ENGASE: variants seen among roughly 807,000 people sequenced by gnomAD.
ENGASE encodes the protein endo-beta-N-acetylglucosaminidase.
Under a neutral mutation model 78.5 loss-of-function variants are expected in ENGASE, and 69 were observed. The observed-to-expected ratio is 0.88, with a 90% CI of 0.72 to 1.07. The LOEUF (loss-of-function observed/expected upper bound fraction) is 1.07, where lower values mean the gene tolerates loss of function less well. ENGASE is among the 50% of genes least tolerant of loss of function. The probability of loss-of-function intolerance (pLI) is 0.00; values close to 1 mark genes in which losing one functional copy is unlikely to be tolerated. For missense variants in ENGASE, 943 were observed against 988.4 expected (o/e 0.95, Z 0.62); for synonymous variants, 408 against 408.9 (o/e 1.00, Z 0.03).
At chr17:79,079,917 A>G (rs62063823) in intron 4 of ENGASE, among the ~76,000 whole-genome samples, 8,458 of 152,358 alleles carry the variant, frequency 0.056, 308 homozygotes, top group Middle Eastern at 0.092. Flanking sequence ...TGCATTTTAC[A>G]AACACAGGTA....
At chr17:79,076,054 C>A (rs2072960387) in intron 1 of ENGASE, among the ~76,000 whole-genome samples, 1 of 152,164 alleles carries the variant, frequency 6.6e-6, no homozygotes, top group African/African-American at 2.4e-5. Flanking sequence ...TCAGGGTCTC[C>A]CAATGTCATT....
In ENGASE at chr17:79,083,154, A is replaced by G. The variant is rs1437740011; in HGVS notation, c.1142+31A>G. 1.3e-6 allele frequency: 2 copies of G among 1,508,658 alleles called. No homozygotes were observed. Among genetic ancestry groups the G allele is most frequent in the Non-Finnish European group, 1.8e-6 (2 of 1,087,912 alleles). 93.5% of individuals were successfully genotyped at this position (1,508,658 alleles called of 1,614,324 possible). Reference sequence around the variant, plus strand: ...TCCTGCTGTCCTGGGTGCTTAGTGCAGGCTGATGGGAGGGAGGGGTTTCTG... The same window carrying G: ...TCCTGCTGTCCTGGGTGCTTAGTGCGGGCTGATGGGAGGGAGGGGTTTCTG... On this transcript the variant is annotated intron_variant, in intron 8 of 13. Coordinates refer to ENST00000579016, the MANE Select transcript of ENGASE (RefSeq NM_001042573.3). The surrounding 1 kb of genome is among the most constrained non-coding windows in gnomAD (Gnocchi z 4.9).
Position 79,083,533 on chromosome 17 carries a change from G to A in ENGASE, c.1194G>A (p.Leu398=). The part of the protein sequence containing the change: ...RYLPTHSICS[L]PFVTSFCLGM... ...TGCCCACACATAGCATCTGCTCCTTGCCTTTCGTCACGTCCTTCTGCCTGG... is the reference window on the plus strand; with the variant it reads ...TGCCCACACATAGCATCTGCTCCTTACCTTTCGTCACGTCCTTCTGCCTGG... The change falls in exon 9 of 14, where the codon TTG becomes TTA. Residue 398 remains leucine, a synonymous_variant. Coordinates refer to ENST00000579016, the MANE Select transcript of ENGASE (RefSeq NM_001042573.3). This position sits in a 1 kb window ranked among gnomAD's most constrained non-coding sequence, Gnocchi z 4.9. The A allele has an allele frequency of 6.2e-7, 1 of 1,614,188 alleles. No homozygotes were observed.
At chr17:79,078,487 G>A (rs55704641) in intron 3 of ENGASE, among the ~76,000 whole-genome samples, 9,113 of 152,198 alleles carry the variant, frequency 0.06, 333 homozygotes, top group Middle Eastern at 0.092. Flanking sequence ...GGTCCTCTTC[G>A]GCTGCCTGTC....
At chr17:79,079,143 T>C (rs1242502777) in intron 3 of ENGASE, among the ~76,000 whole-genome samples, 3 of 152,152 alleles carry the variant, frequency 2.0e-5, no homozygotes, top group Non-Finnish European at 4.4e-5. Context: ...CTTATTCTGC[T>C]TCCTGGGACC....
At chr17:79,084,442 G>C in intron 10 of ENGASE, 96 bp from the exon 11 acceptor site, 1 of 1,303,612 alleles carries the variant, frequency 7.7e-7, no homozygotes, top group Non-Finnish European at 1.0e-6. Flanking sequence ...CAGGCCCCCT[G>C]TTCCTGGAGG....
intron 7 of ENGASE, chr17:79,082,386 C>A: frequency 4.7e-6 from 6 of 1,263,818 alleles, no homozygotes; most frequent in Non-Finnish European, 6.1e-6. Flanking sequence ...TGATCTTCCC[C>A]GTGAGGGAAG....
In ENGASE at chr17:79,077,866, T is replaced by A; in HGVS notation, c.416+2T>A. ...GATGGGCGGGTACCTGGATGACAGG[T>A]GAGGACCTGGCCTTACATTGATGTT... is the stretch of plus-strand genomic sequence containing the variant. On this transcript the variant is annotated splice_donor_variant, in intron 3 of 13. Transcript: ENST00000579016. LOFTEE classifies it high-confidence loss of function. 1 of 1,611,320 alleles carries A rather than the reference T, an allele frequency of 6.2e-7. No homozygotes were observed. Among genetic ancestry groups the A allele is most frequent in the Non-Finnish European group, 8.5e-7 (1 of 1,179,230 alleles).
chr17:79,085,201 C>A, intron 11 of ENGASE, 33 bp from the exon 12 acceptor site: 6 of 1,556,340 alleles, frequency 3.9e-6, no homozygotes, highest in Non-Finnish European at 5.3e-6. Flanking sequence ...CTTTGAGATT[C>A]TCCTTTTTCA....
At chr17:79,085,872 G>A (rs989006779) in intron 13 of ENGASE, 61 bp from the exon 14 acceptor site, 26 of 1,576,218 alleles carry the variant, frequency 1.6e-5, no homozygotes, top group Admixed American at 1.4e-4. Context: ...AAATGTGTGC[G>A]TGGGGGCACC....
rs533658121 is a variant in ENGASE, at chr17:79,087,059, G to A, written c.*710G>A. On this transcript the variant is annotated 3_prime_UTR_variant, in exon 14 of 14. Transcript: ENST00000579016. ...CGTTTTCAGCAGCCCCTGGCTCTGC[G>A]GCGTCTCTTCCGGGCTGTGGGCATG... 7 of 473,540 alleles carry A rather than the reference G, an allele frequency of 1.5e-5. No individual in the cohort carries two copies. Among genetic ancestry groups the A allele is most frequent in the African/African-American group, 9.8e-5 (5 of 50,796 alleles). The allele number at this position is 473,540 out of a possible 1,614,324, so 29.3% of individuals were successfully genotyped here.
chr17:79,085,129 G>A (rs559211267), intron 11 of ENGASE, 105 bp from the exon 12 acceptor site: 42 of 883,128 alleles, frequency 4.8e-5, no homozygotes, highest in South Asian at 8.2e-5. Context: ...GCGTCTGGCC[G>A]AATCAGGCAG....
chr17:79,077,823 T>A lies in ENGASE; in HGVS notation c.375T>A (p.Thr125=). The change falls in exon 3 of 14, where the codon ACT becomes ACA. Residue 125 remains threonine (T), a synonymous_variant. Coordinates refer to ENST00000579016, the MANE Select transcript of ENGASE (RefSeq NM_001042573.3). ...QPPLSSQRPR[T]LLCHDMMGGY... is the part of the protein sequence containing the mutation. ...CTCTGAGCAGCCAGAGGCCCCGGAC[T>A]TTGTTGTGTCATGACATGATGGGCG... 6.2e-7 allele frequency: 1 copy of A among 1,613,972 alleles called. No individual in the cohort carries two copies. The highest frequency in any genetic ancestry group is 8.5e-7 in the Non-Finnish European group (1 of 1,180,006).
At chr17:79,081,095 G>A (rs1398827924) in intron 6 of ENGASE, 22 bp downstream of exon 6, 2 of 1,550,634 alleles carry the variant, frequency 1.3e-6, no homozygotes, top group Non-Finnish European at 1.7e-6. Context: ...GACAGGTGCT[G>A]TGAGGGGGCA....
chr17:79,082,549 G>A, intron 7 of ENGASE: 2 of 1,222,298 alleles, frequency 1.6e-6, no homozygotes, highest in Non-Finnish European at 2.1e-6. Flanking sequence ...AAGGAGCGGG[G>A]CCAGGCCGGT....
chr17:79,085,734 G>A lies in ENGASE; in HGVS notation c.1815G>A (p.Gln605=), dbSNP rs779722923. The part of the protein sequence containing the change: ...ESFTCRLGEI[Q]VVDAASLLAP... ...TCACCTGTCGGCTTGGAGAGATCCA[G>A]GTGATGCTTCCCAGAGGGGCTCGGG... Residue 605 remains glutamine (Q), a splice_region_variant and synonymous_variant, in exon 13 of 14, where the codon CAG becomes CAA. Transcript: ENST00000579016. 6.2e-7 allele frequency: 1 copy of A among 1,613,384 alleles called. No individual in the cohort carries two copies. The highest frequency in any genetic ancestry group is 8.5e-7 in the Non-Finnish European group (1 of 1,179,858).
rs549349297 is a variant in ENGASE, at chr17:79,087,806, A to C, written c.*1457A>C. On this transcript the variant is annotated 3_prime_UTR_variant, in exon 14 of 14. Coordinates refer to ENST00000579016, the MANE Select transcript of ENGASE (RefSeq NM_001042573.3). The stretch of plus-strand genomic sequence containing the variant: ...GCCACACCCGTTCCCACGTCAGAGG[A>C]GGGCAAGGCTGGGTACTCAGCAGCC... The C allele has an allele frequency of 3.9e-5, 6 of 152,268 alleles. No individual in the cohort carries two copies. Among genetic ancestry groups the C allele is most frequent in the African/African-American group, 1.4e-4 (6 of 41,536 alleles). 9.4% of individuals were successfully genotyped at this position (152,268 alleles called of 1,614,324 possible). A position where few individuals can be genotyped will look rare whatever the true frequency, so the allele number is the denominator to read the frequency against.
chr17:79,085,894 C>T (rs754491009), intron 13 of ENGASE, 39 bp from the exon 14 acceptor site: 16 of 1,575,090 alleles, frequency 1.0e-5, no homozygotes, highest in African/African-American at 1.3e-5. Flanking sequence ...TCTCCCCGCC[C>T]CCGGGCGTCC....
rs376610611 is a variant in ENGASE at position 79,083,005 on chromosome 17, C to T, written c.1039-15C>T. The T allele has an allele frequency of 1.2e-6, 2 of 1,612,694 alleles. No individual in the cohort carries two copies. The highest frequency in any genetic ancestry group is 1.1e-5 in the South Asian group (1 of 90,832). ...CTGGTCCTGATGTGCCCAGCGTCTC[C>T]CTCTGTCTCTTCAGTCGTTGGAGCT... is the stretch of plus-strand genomic sequence containing the variant. On this transcript the variant is annotated splice_polypyrimidine_tract_variant and intron_variant, in intron 7 of 13. Transcript: ENST00000579016. This position sits in a 1 kb window ranked among gnomAD's most constrained non-coding sequence, Gnocchi z 4.9.
Sources: allele counts gnomAD v4.1 joint callset (sites outside exome capture counted in the v4.1 genomes callset), GRCh38; gene constraint gnomAD v4.1.1; non-coding constraint Gnocchi (gnomAD v3.1); transcripts MANE v1.5; gene names NCBI Gene and HGNC (gene_info 2026-07-23, HGNC 2026-07-21).